MPHOSPH8: variants seen among roughly 807,000 people sequenced by gnomAD.
MPHOSPH8 encodes the protein M-phase phosphoprotein 8, also known as M-phase phosphoprotein, mpp.
Under a neutral mutation model 87.3 loss-of-function variants are expected in MPHOSPH8, and 45 were observed. The observed-to-expected ratio is 0.52, with a 90% CI of 0.41 to 0.66. MPHOSPH8 has a LOEUF of 0.66. Among genes scored for constraint, MPHOSPH8 ranks in the 30% least tolerant of loss-of-function variants. The pLI, the probability that MPHOSPH8 is intolerant of heterozygous loss-of-function variation, is 0.00. For synonymous variants in MPHOSPH8, 366 were observed against 376.9 expected, an observed-to-expected ratio of 0.97 and a Z score of 0.33; for missense variants, 883 against 1,020.2, an observed-to-expected ratio of 0.87 and a Z score of 1.83.
chr13:19,642,641 C>T (rs1034035451), intron 2 of MPHOSPH8, among the ~76,000 whole-genome samples: 1 of 151,052 alleles, frequency 6.6e-6, no homozygotes, highest in Admixed American at 6.6e-5. Flanking sequence ...CTTATGCCTG[C>T]TTTTTCTGCT....
At chr13:19,653,875 A>G (rs2137522722) in intron 5 of MPHOSPH8, among the ~76,000 whole-genome samples, 1 of 152,338 alleles carries the variant, frequency 6.6e-6, no homozygotes, top group East Asian at 1.9e-4. Context: ...ATGAAAAGGA[A>G]TGAACAAAGC....
rs899886126 is a variant in MPHOSPH8, at chr13:19,672,793, AAG to A, written c.*923_*924del. On this transcript the variant is annotated 3_prime_UTR_variant, in exon 14 of 14. Transcript: ENST00000361479. The stretch of plus-strand genomic sequence containing the variant: ...TAAACCAGTACACTATGAGACCTAA[AAG>A]AGAGTATTAAATGTGAACTTTTAGC... 8 of 252,976 alleles carry A rather than the reference AAG, an allele frequency of 3.2e-5. No homozygotes were observed. Among genetic ancestry groups the A allele is most frequent in the South Asian group, 3.1e-4 (6 of 19,276 alleles). The allele number at this position is 252,976 out of a possible 1,614,324, so 15.7% of individuals were successfully genotyped here. A position where few individuals can be genotyped will look rare whatever the true frequency, so the allele number is the denominator to read the frequency against.
At chr13:19,659,908 C>T (rs1406628449) in intron 7 of MPHOSPH8, among the ~76,000 whole-genome samples, 2 of 150,146 alleles carry the variant, frequency 1.3e-5, no homozygotes, top group African/African-American at 4.9e-5. Context: ...CAACAATGGT[C>T]CATCTCTCCT....
In MPHOSPH8 at chr13:19,647,817, T is replaced by TA. The variant is rs1248735678; in HGVS notation, c.1218+532dup. 4.6e-5 allele frequency among the ~76,000 whole-genome samples: 7 copies of TA among 152,284 alleles called. No individual in the cohort carries two copies. The East Asian group carries it at 1.2e-3, about 25-fold the overall frequency. On this transcript the variant is annotated intron_variant, in intron 3 of 13. Transcript: ENST00000361479. Reference sequence around the variant, plus strand: ...TATATGCAATATTTATCAAGGGCTATAAAAAACATCATTTTTTTCATCCAT... The same window carrying TA: ...TATATGCAATATTTATCAAGGGCTATAAAAAAACATCATTTTTTTCATCCAT...
chr13:19,658,905 T>C, intron 5 of MPHOSPH8, 90 bp from the exon 6 acceptor site: 3 of 1,481,158 alleles, frequency 2.0e-6, no homozygotes, highest in South Asian at 2.6e-5. Flanking sequence ...CATAAAGCTT[T>C]GGTTAAGACA....
Position 19,633,688 on chromosome 13 carries a change from G to T in MPHOSPH8, c.-61G>T, listed in dbSNP as rs1235506064. On this transcript the variant is annotated 5_prime_UTR_variant, in exon 1 of 14. Transcript: ENST00000361479. Reference sequence around the variant, plus strand: ...TGGAGTAGGGCCGAGCGCGGAACGCGAGGGGCTGCTGGGGTGTTTGTCGCA... The same window carrying T: ...TGGAGTAGGGCCGAGCGCGGAACGCTAGGGGCTGCTGGGGTGTTTGTCGCA... 4.6e-6 allele frequency: 7 copies of T among 1,533,978 alleles called. No homozygotes were observed. The highest frequency in any genetic ancestry group is 1.4e-5 in the African/African-American group (1 of 72,856).
intron 3 of MPHOSPH8, among the ~76,000 whole-genome samples, chr13:19,647,673 A>G (rs1874638039): frequency 6.6e-6 from 1 of 152,220 alleles, no homozygotes; most frequent in Non-Finnish European, 1.5e-5. Context: ...CACAAACTAC[A>G]TTAACCAGTA....
At position 19,646,736 on chromosome 13, in the gene MPHOSPH8, A is replaced by G. The variant is rs766500956; in HGVS notation, c.663A>G (p.Val221=). The part of the protein sequence containing the change: ...KESKKPKKDE[V]KETKELKKVK... Reference sequence around the variant, plus strand: ...CCAAAAAGCCCAAAAAAGATGAAGTAAAAGAAACAAAAGAATTAAAGAAAG... The same window carrying G: ...CCAAAAAGCCCAAAAAAGATGAAGTGAAAGAAACAAAAGAATTAAAGAAAG... The change falls in exon 3 of 14, where the codon GTA becomes GTG. Residue 221 remains valine (V), a synonymous_variant. Coordinates refer to ENST00000361479, the MANE Select transcript of MPHOSPH8 (RefSeq NM_017520.4). The G allele has an allele frequency of 6.4e-5, 102 of 1,585,226 alleles. No homozygotes were observed. The highest frequency in any genetic ancestry group is 7.5e-5 in the Non-Finnish European group (88 of 1,169,574).
intron 2 of MPHOSPH8, among the ~76,000 whole-genome samples, chr13:19,644,167 G>A (rs1874451071): frequency 6.6e-6 from 1 of 151,926 alleles, no homozygotes; most frequent in Admixed American, 6.6e-5. Context: ...TTGTCTGTTT[G>A]TATTCAGTTT....
At chr13:19,665,824 A>G (rs1373168171) in intron 9 of MPHOSPH8, among the ~76,000 whole-genome samples, 5 of 152,226 alleles carry the variant, frequency 3.3e-5, no homozygotes, top group Admixed American at 3.3e-4. Flanking sequence ...GTGGCTAATA[A>G]GTGACAGAGA....
At chr13:19,656,995 G>A (rs958408189) in intron 5 of MPHOSPH8, among the ~76,000 whole-genome samples, 4 of 150,562 alleles carry the variant, frequency 2.7e-5, no homozygotes, top group South Asian at 4.2e-4. Flanking sequence ...GGTGGCATAC[G>A]CCTGTGGTCC....
chr13:19,670,899 A>G (rs1278964265), intron 12 of MPHOSPH8: 20 of 997,260 alleles, frequency 2.0e-5, no homozygotes, highest in African/African-American at 3.3e-5. Flanking sequence ...AGCTCACTGG[A>G]GTCTTGACTT....
intron 2 of MPHOSPH8, among the ~76,000 whole-genome samples, chr13:19,644,340 C>T (rs1211185369): frequency 6.6e-6 from 1 of 152,218 alleles, no homozygotes; most frequent in Non-Finnish European, 1.5e-5. Flanking sequence ...CAGTTAATAA[C>T]TATAATCAGC....
intron 8 of MPHOSPH8, among the ~76,000 whole-genome samples, 195 bp from the exon 9 acceptor site, chr13:19,662,845 G>A (rs889661425): frequency 1.3e-5 from 2 of 152,360 alleles, no homozygotes; most frequent in Non-Finnish European, 2.9e-5. Flanking sequence ...GTTGCTGGCA[G>A]CACAGTGAGT....
chr13:19,638,380 C>T (rs1008872686), intron 1 of MPHOSPH8, among the ~76,000 whole-genome samples: 7 of 151,818 alleles, frequency 4.6e-5, no homozygotes, highest in African/African-American at 9.7e-5. Context: ...TTTGGGAAGC[C>T]GAGGCAGACG....
In MPHOSPH8 at chr13:19,633,689, A is replaced by G. The variant is rs1447367501; in HGVS notation, c.-60A>G. The G allele has an allele frequency of 2.0e-6, 3 of 1,534,700 alleles. No individual in the cohort carries two copies. The highest frequency in any genetic ancestry group is 1.8e-6 in the Non-Finnish European group (2 of 1,133,028). On this transcript the variant is annotated 5_prime_UTR_variant, in exon 1 of 14. Coordinates refer to ENST00000361479, the MANE Select transcript of MPHOSPH8 (RefSeq NM_017520.4). ...GGAGTAGGGCCGAGCGCGGAACGCG[A>G]GGGGCTGCTGGGGTGTTTGTCGCAG...
chr13:19,654,329 G>A (rs9578181), intron 5 of MPHOSPH8, among the ~76,000 whole-genome samples: 1 of 151,948 alleles, frequency 6.6e-6, no homozygotes, highest in Admixed American at 6.6e-5. Flanking sequence ...GGCCTGTCAG[G>A]GGGTAGGGGC....
Position 19,648,525 on chromosome 13 carries a change from A to G in MPHOSPH8, c.1318+4A>G. ...AAAGAGCCAAAAGGATTAAAGAGTGAGTGTAAATATTAACGTTTTGCCATT... is the reference window on the plus strand; with the variant it reads ...AAAGAGCCAAAAGGATTAAAGAGTGGGTGTAAATATTAACGTTTTGCCATT... On this transcript the variant is annotated splice_donor_region_variant and intron_variant, in intron 4 of 13. Transcript: ENST00000361479. The G allele has an allele frequency of 6.7e-7, 1 of 1,483,252 alleles. No individual in the cohort carries two copies. Among genetic ancestry groups the G allele is most frequent in the East Asian group, 2.6e-5 (1 of 39,116 alleles). 91.9% of individuals were successfully genotyped at this position (1,483,252 alleles called of 1,614,324 possible). A position where few individuals can be genotyped will look rare whatever the true frequency, so the allele number is the denominator to read the frequency against.
At position 19,672,854 on chromosome 13, in the gene MPHOSPH8, C is replaced by G. The variant is rs1876214121; in HGVS notation, c.*979C>G. The G allele has an allele frequency of 2.9e-6, 1 of 339,678 alleles. No individual in the cohort carries two copies. The highest frequency in any genetic ancestry group is 5.8e-6 in the Non-Finnish European group (1 of 173,508). 21.0% of individuals were successfully genotyped at this position (339,678 alleles called of 1,614,324 possible). A position where few individuals can be genotyped will look rare whatever the true frequency, so the allele number is the denominator to read the frequency against. ...GTGGCTCACACCTATAATCCCAGCG[C>G]TTTGGAGGCTGAGGTTGGAGGATTG... is the stretch of plus-strand genomic sequence containing the variant. On this transcript the variant is annotated 3_prime_UTR_variant, in exon 14 of 14. Coordinates refer to ENST00000361479, the MANE Select transcript of MPHOSPH8 (RefSeq NM_017520.4).
Sources: gnomAD v4.1 joint callset for allele counts (sites outside exome capture counted in the v4.1 genomes callset) on GRCh38, gnomAD v4.1.1 for gene constraint, MANE v1.5 for transcripts, NCBI Gene and HGNC (gene_info 2026-07-23, HGNC 2026-07-21) for gene names.